The following TBC1D2B variants were observed in gnomAD, a reference collection of about 807,000 sequenced individuals.
TBC1D2B encodes TBC1 domain family, member 2B.
A neutral mutation model predicts 100.8 loss-of-function variants in TBC1D2B; 64 were observed. That is an observed-to-expected ratio of 0.64 (90% CI 0.52 to 0.78). The LOEUF is 0.78. TBC1D2B is among the 30% of genes least tolerant of loss of function. The pLI is 0.00. For synonymous variants in TBC1D2B, 480 were observed against 479.7 expected (o/e 1.00, Z -0.01); for missense variants, 1,052 against 1,218.4 (o/e 0.86, Z 2.03).
chr15:78,074,976 C>T (rs1056920984), intron 1 of TBC1D2B, among the ~76,000 whole-genome samples: 4 of 152,042 alleles, frequency 2.6e-5, no homozygotes, highest in Admixed American at 1.3e-4. Context: ...GGAAAATGCG[C>T]CAGCCATTTT....
chr15:78,040,882 G>GAAAGAAAGAAAGA (rs1471917186), intron 3 of TBC1D2B, among the ~76,000 whole-genome samples: 2 of 130,070 alleles, frequency 1.5e-5, no homozygotes, highest in East Asian at 4.9e-4. Context: ...AAGAAAGAAA[G>GAAAGAAAGAAAGA]AGAGAGAGAG....
At chr15:78,038,382 C>T (rs1000897659) in intron 3 of TBC1D2B, among the ~76,000 whole-genome samples, 26 of 152,166 alleles carry the variant, frequency 1.7e-4, no homozygotes, top group African/African-American at 5.6e-4. Flanking sequence ...CAGAAGTAAC[C>T]AGAGAAGACA....
chr15:78,012,790 G>A (rs2072264243), intron 9 of TBC1D2B, 33 bp downstream of exon 9: 1 of 1,420,414 alleles, frequency 7.0e-7, no homozygotes, highest in South Asian at 2.0e-5. Flanking sequence ...GTTGCCTAAT[G>A]GCAAATGGGA....
chr15:78,003,473 G>A lies in TBC1D2B; in HGVS notation c.2406C>T (p.Phe802=). ...LLGSQVDQRV[F]RDLMSEKLPR... is the part of the protein sequence containing the mutation. ...GCAGCTTCTCACTCATAAGGTCTCT[G>A]AACACCCGCTGGTCCACCTGGAGAG... The change falls in exon 11 of 13, where the codon TTC becomes TTT. Residue 802 remains phenylalanine (F), a synonymous_variant. Transcript: ENST00000300584. The A allele has an allele frequency of 6.2e-7, 1 of 1,609,874 alleles. No homozygotes were observed. Among genetic ancestry groups the A allele is most frequent in the Non-Finnish European group, 8.5e-7 (1 of 1,176,426 alleles).
chr15:78,017,642 G>A (rs753039794), intron 7 of TBC1D2B, among the ~76,000 whole-genome samples: 12 of 152,028 alleles, frequency 7.9e-5, no homozygotes, highest in African/African-American at 2.2e-4. Context: ...CACATCTCAC[G>A]GCATTTATCT....
At chr15:78,055,144 A>G (rs956147478) in intron 1 of TBC1D2B, among the ~76,000 whole-genome samples, 4 of 152,152 alleles carry the variant, frequency 2.6e-5, no homozygotes, top group Non-Finnish European at 2.9e-5. Context: ...CAGAAAACAA[A>G]TATGTGGTTG....
intron 3 of TBC1D2B, among the ~76,000 whole-genome samples, chr15:78,033,812 A>C (rs1015217122): frequency 2.6e-5 from 4 of 152,242 alleles, no homozygotes; most frequent in African/African-American, 9.6e-5. Context: ...TCTCATGTAA[A>C]ACAGTCATTT....
rs527437747 is a variant in TBC1D2B at position 78,037,274 on chromosome 15, T to C, written c.684-7104A>G. ...CCCATGCCACTCTTGAGACACACCC[T>C]GTTCTGACTTCCTTGCCTCTGCATG... On this transcript the variant is annotated intron_variant, in intron 3 of 12. Transcript: ENST00000300584. Among the ~76,000 whole-genome samples, 58 of 152,286 alleles carry C rather than the reference T, an allele frequency of 3.8e-4. 3 individuals are homozygous for C. In the South Asian group the frequency reaches 0.011, roughly 28 times the overall value.
chr15:77,999,433 G>A, intron 12 of TBC1D2B: 5 of 341,382 alleles, frequency 1.5e-5, no homozygotes, highest in South Asian at 1.1e-4. Context: ...AGGTCAGAAA[G>A]GCCAGCTTTA....
chr15:78,063,077 G>C (rs1302573366), intron 1 of TBC1D2B, among the ~76,000 whole-genome samples: 1 of 152,182 alleles, frequency 6.6e-6, no homozygotes, highest in African/African-American at 2.4e-5. Context: ...TTGGCACAAA[G>C]TACTCATTAG....
At chr15:78,051,813 T>A (rs1357577635) in intron 2 of TBC1D2B, among the ~76,000 whole-genome samples, 1 of 152,182 alleles carries the variant, frequency 6.6e-6, no homozygotes, top group East Asian at 1.9e-4. Context: ...TGAACCAGAT[T>A]TTATCTCTGA....
rs748915443 is a variant in TBC1D2B, at chr15:78,001,607, C to G, written c.2696+12G>C. 2.5e-6 allele frequency: 4 copies of G among 1,606,148 alleles called. No individual in the cohort carries two copies. The South Asian group carries it at 4.5e-5, about 18-fold the overall frequency. On this transcript the variant is annotated intron_variant, in intron 12 of 12. Transcript: ENST00000300584. ...TGCTCTCCTTGACATCTGAGAACTCCCCAGGACTCACCTAGCATCAAGGAT... is the reference window on the plus strand; with the variant it reads ...TGCTCTCCTTGACATCTGAGAACTCGCCAGGACTCACCTAGCATCAAGGAT...
chr15:78,013,889 T>C (rs534576213), intron 8 of TBC1D2B, among the ~76,000 whole-genome samples: 10 of 152,350 alleles, frequency 6.6e-5, no homozygotes, highest in Admixed American at 2.0e-4. Context: ...AGGAGATTAT[T>C]TGGGATATCT....
intron 6 of TBC1D2B, among the ~76,000 whole-genome samples, chr15:78,019,683 T>C (rs576968577): frequency 6.0e-5 from 9 of 150,970 alleles, no homozygotes; most frequent in Admixed American, 5.3e-4. Context: ...AGGCCAGGAG[T>C]TTGAGACCAG....
Position 78,077,625 on chromosome 15 carries a change from C to A in TBC1D2B, c.28G>T (p.Glu10Ter). 9.9e-7 allele frequency: 1 copy of A among 1,005,786 alleles called. No individual in the cohort carries two copies. The highest frequency in any genetic ancestry group is 1.2e-6 in the Non-Finnish European group (1 of 843,338). The allele number at this position is 1,005,786 out of a possible 1,614,324, so 62.3% of individuals were successfully genotyped here. The change falls in exon 1 of 13, where the codon GAG becomes TAG. Residue 10 changes from glutamate to a stop codon, truncating the protein, a stop_gained. Coordinates refer to ENST00000300584, the MANE Select transcript of TBC1D2B (RefSeq NM_144572.2). LOFTEE classifies it high-confidence loss of function. ...GCGCCCTCGCCGCCGCCGCCGCCCT[C>A]CTCCGCCCGGGCTCCGGCCCCCGGC... MPGAGARAE[E>*]GGGGGEGAAQ...
intron 1 of TBC1D2B, among the ~76,000 whole-genome samples, chr15:78,067,160 A>C (rs1225314402): frequency 1.3e-5 from 2 of 152,250 alleles, no homozygotes; most frequent in East Asian, 3.8e-4. Flanking sequence ...AGAAGGTTTC[A>C]GTGGTAGGGT....
At chr15:78,033,495 G>A (rs530474848) in intron 3 of TBC1D2B, among the ~76,000 whole-genome samples, 2 of 152,266 alleles carry the variant, frequency 1.3e-5, no homozygotes, top group East Asian at 1.9e-4. Flanking sequence ...GCCCAGGGCC[G>A]GGTATTAAGG....
chr15:78,021,440 A>C (rs1272874095), intron 6 of TBC1D2B, among the ~76,000 whole-genome samples: 4 of 152,186 alleles, frequency 2.6e-5, no homozygotes, highest in African/African-American at 9.7e-5. Flanking sequence ...GGGAACACAC[A>C]CGAGAACACC....
intron 1 of TBC1D2B, chr15:78,066,226 C>T: frequency 2.8e-6 from 1 of 356,802 alleles, no homozygotes; most frequent in South Asian, 2.0e-5. Context: ...AGCCACTCCT[C>T]TGCAGCATAG....
Sources: allele counts gnomAD v4.1 joint callset (sites outside exome capture counted in the v4.1 genomes callset), GRCh38; gene constraint gnomAD v4.1.1; transcripts MANE v1.5; gene names NCBI Gene and HGNC (gene_info 2026-07-23, HGNC 2026-07-21).